Variants in ARHGEF18 observed in about 807,000 individuals in gnomAD.
The protein encoded by ARHGEF18 is Rho/Rac guanine nucleotide exchange factor 18.
In ARHGEF18, 93 loss-of-function variants were observed where a neutral mutation model predicts 155.7. That is an observed-to-expected ratio of 0.60 (90% CI 0.50 to 0.71). The LOEUF (loss-of-function observed/expected upper bound fraction) is 0.71, where lower values mean the gene tolerates loss of function less well. Ranked by LOEUF, ARHGEF18 falls within the 30% of genes least tolerant of loss-of-function variation. ARHGEF18 has a pLI of 0.00. For synonymous variants in ARHGEF18, 742 were observed against 753.1 expected, an observed-to-expected ratio of 0.99 and a Z score of 0.24; for missense variants, 1,593 against 1,816.1, an observed-to-expected ratio of 0.88 and a Z score of 2.23.
In ARHGEF18 at chr19:7,463,897, C is replaced by CTGTG; in HGVS notation, c.2715_2716insTGTG (p.Pro906CysfsTer7). ...CGGAAGACGGAGGCAGCTCCACAGGCCCGCCCAGGAGGGCTGAGACCTTCG... is the reference window on the plus strand; with the variant it reads ...CGGAAGACGGAGGCAGCTCCACAGGCTGTGCCGCCCAGGAGGGCTGAGACCTTCG... On this transcript the variant is annotated frameshift_variant, in exon 22 of 29. Coordinates refer to ENST00000668164, the MANE Select transcript of ARHGEF18 (RefSeq NM_001367823.1). LOFTEE classifies it high-confidence loss of function. This position sits in a 1 kb window ranked among gnomAD's most constrained non-coding sequence, Gnocchi z 5.2. 1 of 1,600,210 alleles carries CTGTG rather than the reference C, an allele frequency of 6.2e-7. No homozygotes were observed. Among genetic ancestry groups the CTGTG allele is most frequent in the Non-Finnish European group, 8.5e-7 (1 of 1,174,066 alleles).
downstream of ARHGEF18, among the ~76,000 whole-genome samples, chr19:7,474,474 G>T (rs930818689): frequency 6.6e-6 from 1 of 152,104 alleles, no homozygotes; most frequent in Non-Finnish European, 1.5e-5. Flanking sequence ...CGCCTCCCAG[G>T]TTCAAGTAAT....
chr19:7,434,306 T>C (rs1322419864), intron 10 of ARHGEF18, among the ~76,000 whole-genome samples: 2 of 152,072 alleles, frequency 1.3e-5, no homozygotes, highest in East Asian at 3.9e-4. Flanking sequence ...ACTCTTGAAT[T>C]CATGAAACCA....
Position 7,395,577 on chromosome 19 carries a change from G to A in ARHGEF18, c.967+12374G>A, listed in dbSNP as rs2432107. 0.24 allele frequency among the ~76,000 whole-genome samples: 36,275 copies of A among 151,880 alleles called. 4,630 individuals carry two copies. Among genetic ancestry groups the A allele is most frequent in the South Asian group, 0.29 (1,413 of 4,812 alleles). On this transcript the variant is annotated intron_variant, in intron 10 of 28. Coordinates refer to ENST00000668164, the MANE Select transcript of ARHGEF18 (RefSeq NM_001367823.1). The surrounding 1 kb of genome is among the most constrained non-coding windows in gnomAD (Gnocchi z 5.0). ...ACTTGGGCCCCAGCCTCTGCTCCTC[G>A]TTCAGGAGCGCCCGGGGCAGGACCA... is the stretch of plus-strand genomic sequence containing the variant.
At chr19:7,388,947 G>A (rs1174121419) in intron 10 of ARHGEF18, among the ~76,000 whole-genome samples, 1 of 151,896 alleles carries the variant, frequency 6.6e-6, no homozygotes, top group Non-Finnish European at 1.5e-5. Context: ...AGAAAGCAGA[G>A]AGAGTCCCTT....
intron 10 of ARHGEF18, among the ~76,000 whole-genome samples, chr19:7,384,887 G>T (rs1305637370): frequency 6.6e-6 from 1 of 151,964 alleles, no homozygotes; most frequent in Non-Finnish European, 1.5e-5. Context: ...TAGAGACAAG[G>T]TCTCACTATA....
Position 7,470,070 on chromosome 19 carries a change from G to A in ARHGEF18, c.3913+41G>A. 1 of 1,611,440 alleles carries A rather than the reference G, an allele frequency of 6.2e-7. No individual in the cohort carries two copies. The highest frequency in any genetic ancestry group is 1.1e-5 in the South Asian group (1 of 90,970). On this transcript the variant is annotated intron_variant, in intron 28 of 28. Coordinates refer to ENST00000668164, the MANE Select transcript of ARHGEF18 (RefSeq NM_001367823.1). This position sits in a 1 kb window ranked among gnomAD's most constrained non-coding sequence, Gnocchi z 5.9. ...CTGACATGAGCCCAGTCCCAGGGCA[G>A]CGGGGCTGCGGCACCACCCGGCGAC... is the stretch of plus-strand genomic sequence containing the variant.
chr19:7,371,346 A>G (rs568958309), intron 2 of ARHGEF18, among the ~76,000 whole-genome samples: 2 of 152,268 alleles, frequency 1.3e-5, no homozygotes, highest in East Asian at 1.9e-4. Flanking sequence ...TTGCACAGCA[A>G]TGGGAATGTG....
At chr19:7,358,819 A>G (rs1346585381) in intron 1 of ARHGEF18, among the ~76,000 whole-genome samples, 1 of 152,186 alleles carries the variant, frequency 6.6e-6, no homozygotes, top group African/African-American at 2.4e-5. Flanking sequence ...AGTATAGAAG[A>G]GTGAAAAGTA....
intron 10 of ARHGEF18, among the ~76,000 whole-genome samples, chr19:7,415,990 G>A (rs1430706722): frequency 2.6e-5 from 4 of 152,124 alleles, no homozygotes; most frequent in African/African-American, 7.2e-5. Flanking sequence ...TGAGCGAGGC[G>A]ACACTCCACC....
At chr19:7,391,045 AT>A (rs1446415320) in intron 10 of ARHGEF18, among the ~76,000 whole-genome samples, 1 of 152,082 alleles carries the variant, frequency 6.6e-6, no homozygotes, top group Non-Finnish European at 1.5e-5. Context: ...TCTCAAAAAA[AT>A]AAATAAATAA....
chr19:7,458,068 C>T (rs747630991), intron 18 of ARHGEF18, among the ~76,000 whole-genome samples: 9 of 152,198 alleles, frequency 5.9e-5, no homozygotes, highest in South Asian at 2.1e-4. Context: ...AGGAGGATCA[C>T]TTGAGCCTAG....
rs1008132704 is a variant in ARHGEF18 at position 7,437,891 on chromosome 19, C to T, written c.968-2453C>T. Reference sequence around the variant, plus strand: ...ATCCTGACCTCAGGTGATCCACCCGCGTCGGCCTTCCAAAGTGCTGGGATT... The same window carrying T: ...ATCCTGACCTCAGGTGATCCACCCGTGTCGGCCTTCCAAAGTGCTGGGATT... On this transcript the variant is annotated intron_variant, in intron 10 of 28. Transcript: ENST00000668164. 9.9e-5 allele frequency among the ~76,000 whole-genome samples: 15 copies of T among 151,936 alleles called. No homozygotes were observed. The East Asian group carries it at 1.4e-3, about 14-fold the overall frequency.
At chr19:7,381,691 TAATAAATAAATAAATA>T (rs57480401) in intron 8 of ARHGEF18, among the ~76,000 whole-genome samples, 14 of 146,160 alleles carry the variant, frequency 9.6e-5, no homozygotes, top group Admixed American at 9.0e-4. Context: ...AATAAATAAA[TAATAAATAAATAAATA>T]AATAAATAAA....
At chr19:7,451,448 G>A (rs1448439599) in intron 16 of ARHGEF18, among the ~76,000 whole-genome samples, 182 bp downstream of exon 16, 2 of 140,574 alleles carry the variant, frequency 1.4e-5, no homozygotes, top group South Asian at 2.2e-4. Flanking sequence ...TCACTCTGTT[G>A]CCCAGGCTGG....
At position 7,459,976 on chromosome 19, in the gene ARHGEF18, A is replaced by G; in HGVS notation, c.2434A>G (p.Arg812Gly). ...ERKVVEARAT[R>G]LRDFQERLSM... Reference sequence around the variant, plus strand: ...GAAGGTGGTCGAGGCCCGCGCCACGAGACTCCGGGACTTTCAAGGTGAGCG... The same window carrying G: ...GAAGGTGGTCGAGGCCCGCGCCACGGGACTCCGGGACTTTCAAGGTGAGCG... The change falls in exon 20 of 29, where the codon AGA becomes GGA. Residue 812 changes from arginine to glycine, a missense_variant. Arg to Gly is a moderately radical substitution (Grantham distance 125, BLOSUM62 -2). Transcript: ENST00000668164. 1.3e-6 allele frequency: 2 copies of G among 1,581,998 alleles called. No individual in the cohort carries two copies. Among genetic ancestry groups the G allele is most frequent in the Non-Finnish European group, 1.7e-6 (2 of 1,163,932 alleles).
intron 2 of ARHGEF18, among the ~76,000 whole-genome samples, chr19:7,369,327 G>A (rs1970089759): frequency 6.6e-6 from 1 of 152,102 alleles, no homozygotes; most frequent in African/African-American, 2.4e-5. Flanking sequence ...TGGGCGTGGT[G>A]GCACATGCCT....
intron 1 of ARHGEF18, among the ~76,000 whole-genome samples, chr19:7,354,075 T>C (rs1969223388): frequency 6.6e-6 from 1 of 152,158 alleles, no homozygotes; most frequent in South Asian, 2.1e-4. Flanking sequence ...CTTTGGAGGC[T>C]GAGCCAGGAG....
At chr19:7,367,059 C>T (rs1271053595) in intron 2 of ARHGEF18, among the ~76,000 whole-genome samples, 1 of 152,062 alleles carries the variant, frequency 6.6e-6, no homozygotes, top group Non-Finnish European at 1.5e-5. Flanking sequence ...ACGGCCCTGG[C>T]CCCCTGACTC....
chr19:7,473,766 C>T (rs950843995), downstream of ARHGEF18, among the ~76,000 whole-genome samples: 6 of 138,922 alleles, frequency 4.3e-5, no homozygotes, highest in South Asian at 2.2e-4. Context: ...GCCGAGATTG[C>T]GCCACTGCAC....
Sources: gnomAD v4.1 joint callset for allele counts (sites outside exome capture counted in the v4.1 genomes callset) on GRCh38, gnomAD v4.1.1 for gene constraint, Gnocchi (gnomAD v3.1) non-coding constraint, MANE v1.5 for transcripts, NCBI Gene and HGNC (gene_info 2026-07-23, HGNC 2026-07-21) for gene names.